SEMA3E: variants seen among roughly 807,000 people sequenced by gnomAD.
SEMA3E encodes the protein semaphorin 3E, also known as semaphorin-3E.
A neutral mutation model predicts 93.6 loss-of-function variants in SEMA3E; 49 were observed. The observed-to-expected ratio is 0.52, with a 90% CI of 0.42 to 0.66. SEMA3E has a LOEUF of 0.66. SEMA3E is among the 30% of genes least tolerant of loss of function. SEMA3E has a pLI of 0.00. For missense variants in SEMA3E, 906 were observed against 964.8 expected (o/e 0.94, Z 0.81); for synonymous variants, 363 against 330.7 (o/e 1.10, Z -1.06).
chr7:83,567,838 C>T (rs1402336337), intron 1 of SEMA3E, among the ~76,000 whole-genome samples: 2 of 151,520 alleles, frequency 1.3e-5, no homozygotes, highest in Non-Finnish European at 2.9e-5. Context: ...AACAATGCAC[C>T]TCAAAGAACT....
At chr7:83,436,008 A>G (rs1788996665) in intron 4 of SEMA3E, among the ~76,000 whole-genome samples, 1 of 152,156 alleles carries the variant, frequency 6.6e-6, no homozygotes, top group South Asian at 2.1e-4. Context: ...CATTGATGTT[A>G]AATTATTTCA....
At chr7:83,545,279 T>C (rs954731800) in intron 1 of SEMA3E, among the ~76,000 whole-genome samples, 11 of 152,010 alleles carry the variant, frequency 7.2e-5, no homozygotes, top group African/African-American at 2.7e-4. Context: ...GTTCTTCCTT[T>C]GTCTTCCAAG....
chr7:83,576,728 C>T (rs1185389387), intron 1 of SEMA3E, among the ~76,000 whole-genome samples: 2 of 152,040 alleles, frequency 1.3e-5, no homozygotes, highest in Non-Finnish European at 2.9e-5. Flanking sequence ...TGGATTCAAG[C>T]GATTCTCGTG....
intron 1 of SEMA3E, among the ~76,000 whole-genome samples, chr7:83,509,201 G>A (rs1364238493): frequency 6.6e-6 from 1 of 152,112 alleles, no homozygotes; most frequent in Non-Finnish European, 1.5e-5. Flanking sequence ...ACTTGAACTA[G>A]ATCTAGCATA....
intron 1 of SEMA3E, among the ~76,000 whole-genome samples, chr7:83,609,800 A>T (rs1049579453): frequency 6.6e-6 from 1 of 152,014 alleles, no homozygotes; most frequent in African/African-American, 2.4e-5. Context: ...TAAGTTAACT[A>T]AACAAATTAT....
intron 1 of SEMA3E, among the ~76,000 whole-genome samples, chr7:83,511,170 CTAAAAGACTTCCAGCCA>C (rs1362103127): frequency 6.6e-6 from 1 of 151,980 alleles, no homozygotes; most frequent in Non-Finnish European, 1.5e-5. Context: ...ATCTAGCTAT[CTAAAAGACTTCCAGCCA>C]TATTTAACTC....
intron 1 of SEMA3E, among the ~76,000 whole-genome samples, chr7:83,628,509 T>C (rs1022637321): frequency 1.3e-5 from 2 of 151,940 alleles, no homozygotes; most frequent in Non-Finnish European, 2.9e-5. Context: ...TTCTCTAATC[T>C]TGTCTTCATG....
rs1255610414 is a variant in SEMA3E at position 83,366,138 on chromosome 7, ATAACCTATAAGC to A, written c.*1436_*1447del. ...ATTATGAGCACTTTAACTTAAATGT[ATAACCTATAAGC>A]TAACTTTGAAAACTGAAATAAACAC... is the stretch of plus-strand genomic sequence containing the variant. On this transcript the variant is annotated 3_prime_UTR_variant, in exon 17 of 17. Coordinates refer to ENST00000643230, the MANE Select transcript of SEMA3E (RefSeq NM_012431.3). The A allele has an allele frequency of 6.6e-6, 1 of 152,150 alleles. No individual in the cohort carries two copies. Among genetic ancestry groups the A allele is most frequent in the Non-Finnish European group, 1.5e-5 (1 of 67,968 alleles). 9.4% of individuals were successfully genotyped at this position (152,150 alleles called of 1,614,324 possible).
At position 83,376,112 on chromosome 7, in the gene SEMA3E, G is replaced by T. The variant is rs571300641; in HGVS notation, c.1876-8074C>A. 3.3e-5 allele frequency among the ~76,000 whole-genome samples: 5 copies of T among 152,028 alleles called. No individual in the cohort carries two copies. The East Asian group carries it at 5.8e-4, about 18-fold the overall frequency. On this transcript the variant is annotated intron_variant, in intron 16 of 16. Transcript: ENST00000643230. ...AGAATGCCAAAACTACGAAACAGAT[G>T]GTTCAAATGAGGCAAGAGTTCATGC...
chr7:83,418,626 C>A (rs2115695707), intron 4 of SEMA3E, 143 bp from the exon 5 acceptor site: 1 of 705,094 alleles, frequency 1.4e-6, no homozygotes, highest in East Asian at 2.8e-5. Flanking sequence ...TATTTAGAGA[C>A]AAACTGGGTT....
intron 1 of SEMA3E, among the ~76,000 whole-genome samples, chr7:83,501,772 A>G (rs534182190): frequency 6.6e-6 from 1 of 152,328 alleles, no homozygotes; most frequent in East Asian, 1.9e-4. Flanking sequence ...TTTCTCTAGC[A>G]AAAACTTTAT....
intron 1 of SEMA3E, among the ~76,000 whole-genome samples, chr7:83,535,465 A>C (rs965550853): frequency 1.3e-5 from 2 of 151,578 alleles, no homozygotes; most frequent in African/African-American, 4.9e-5. Flanking sequence ...ACATTTATAC[A>C]ATCTATCAAA....
intron 1 of SEMA3E, among the ~76,000 whole-genome samples, chr7:83,545,242 C>T (rs1298017410): frequency 6.6e-6 from 1 of 151,972 alleles, no homozygotes; most frequent in Non-Finnish European, 1.5e-5. Flanking sequence ...CCATCTAGAA[C>T]TATGTTCATT....
intron 16 of SEMA3E, among the ~76,000 whole-genome samples, chr7:83,376,597 G>T (rs1680184421): frequency 6.6e-6 from 1 of 151,970 alleles, no homozygotes; most frequent in Non-Finnish European, 1.5e-5. Context: ...ATTGACTTTG[G>T]TGAATTTATT....
intron 4 of SEMA3E, among the ~76,000 whole-genome samples, chr7:83,444,870 C>T (rs1300087711): frequency 6.6e-6 from 1 of 152,006 alleles, no homozygotes; most frequent in Non-Finnish European, 1.5e-5. Context: ...GGGATTTTGC[C>T]ACGTTGGCCA....
chr7:83,528,867 A>G (rs1170676058), intron 1 of SEMA3E, among the ~76,000 whole-genome samples: 3 of 152,124 alleles, frequency 2.0e-5, no homozygotes, highest in Non-Finnish European at 2.9e-5. Context: ...CTACCTTCAG[A>G]TAGTCTTTTA....
intron 1 of SEMA3E, among the ~76,000 whole-genome samples, chr7:83,601,421 A>T (rs1792994671): frequency 6.9e-6 from 1 of 145,168 alleles, no homozygotes; most frequent in South Asian, 2.2e-4. Context: ...AACTTGGGCA[A>T]ATTACTTACT....
chr7:83,585,776 C>T (rs1792614790), intron 1 of SEMA3E, among the ~76,000 whole-genome samples: 1 of 152,124 alleles, frequency 6.6e-6, no homozygotes, highest in Non-Finnish European at 1.5e-5. Context: ...TTGAGCTTTT[C>T]CTATTAAGCC....
chr7:83,596,585 AAAT>A (rs1372093979), intron 1 of SEMA3E, among the ~76,000 whole-genome samples: 2 of 152,108 alleles, frequency 1.3e-5, no homozygotes, highest in Admixed American at 1.3e-4. Flanking sequence ...AAATTCATAA[AAAT>A]AATCTAGGAA....
Sources: allele counts gnomAD v4.1 joint callset (sites outside exome capture counted in the v4.1 genomes callset), GRCh38; gene constraint gnomAD v4.1.1; transcripts MANE v1.5; gene names NCBI Gene and HGNC (gene_info 2026-07-23, HGNC 2026-07-21).